The following RASGRP3 variants were observed in gnomAD, a reference collection of about 807,000 sequenced individuals.
The protein encoded by RASGRP3 is ras guanyl-releasing protein 3.
RASGRP3 carries 54 observed loss-of-function variants against 82.7 expected under a neutral mutation model. The observed-to-expected ratio is 0.65, with a 90% CI of 0.52 to 0.82. The LOEUF is 0.82. Among genes scored for constraint, RASGRP3 ranks in the 40% least tolerant of loss-of-function variants. RASGRP3 has a pLI of 0.00. For synonymous variants in RASGRP3, 309 were observed against 300.5 expected, an observed-to-expected ratio of 1.03 and a Z score of -0.29; for missense variants, 861 against 828.9, an observed-to-expected ratio of 1.04 and a Z score of -0.48.
intron 1 of RASGRP3, among the ~76,000 whole-genome samples, chr2:33,501,963 C>T (rs73926683): frequency 8.4e-4 from 127 of 152,090 alleles, no homozygotes; most frequent in African/African-American, 3.0e-3. Context: ...ATGACTTTTG[C>T]CAGAGTAGTT....
intron 1 of RASGRP3, among the ~76,000 whole-genome samples, chr2:33,444,255 A>G (rs1665386435): frequency 6.6e-6 from 1 of 152,224 alleles, no homozygotes; most frequent in Non-Finnish European, 1.5e-5. Flanking sequence ...GCAGTGAACT[A>G]TGATTGCACC....
chr2:33,459,496 A>G (rs188065805), intron 2 of RASGRP3, among the ~76,000 whole-genome samples: 1 of 152,298 alleles, frequency 6.6e-6, no homozygotes, highest in Non-Finnish European at 1.5e-5. Context: ...ATAACTGGAA[A>G]TATAGAGCAT....
rs1343701557 is a variant in RASGRP3, at chr2:33,558,274, C to T, written c.1643C>T (p.Ala548Val). ...DLLVLACRRF[A>V]RAPSLSSGHG... ...CTGGTTCTGGCCTGCAGGAGATTTGCCCGGGCGCCCTCCTTGAGCAGTGGT... is the reference window on the plus strand; with the variant it reads ...CTGGTTCTGGCCTGCAGGAGATTTGTCCGGGCGCCCTCCTTGAGCAGTGGT... Residue 548 changes from alanine to valine, a missense_variant, in exon 16 of 18, where the codon GCC becomes GTC. Transcript: ENST00000403687. 6.2e-7 allele frequency: 1 copy of T among 1,613,306 alleles called. No individual in the cohort carries two copies. Among genetic ancestry groups the T allele is most frequent in the Non-Finnish European group, 8.5e-7 (1 of 1,179,652 alleles).
upstream of RASGRP3, among the ~76,000 whole-genome samples, chr2:33,473,583 T>C (rs1667189471): frequency 6.6e-6 from 1 of 152,110 alleles, no homozygotes; most frequent in African/African-American, 2.4e-5. Context: ...AGGGCACCTC[T>C]TCTTGAGTCG....
chr2:33,504,633 G>A (rs909005735), intron 1 of RASGRP3, among the ~76,000 whole-genome samples: 5 of 152,148 alleles, frequency 3.3e-5, no homozygotes, highest in East Asian at 1.9e-4. Context: ...TGTTTTTAGC[G>A]ACAGTCAGCT....
At chr2:33,514,592 G>A (rs1276646890) in intron 2 of RASGRP3, among the ~76,000 whole-genome samples, 2 of 151,796 alleles carry the variant, frequency 1.3e-5, no homozygotes, top group African/African-American at 4.8e-5. Context: ...GTCAGAAGTG[G>A]GAGAATTGCT....
At position 33,564,115 on chromosome 2, in the gene RASGRP3, G is replaced by A. The variant is rs1676993448; in HGVS notation, c.*1378G>A. 1 of 152,176 alleles carries A rather than the reference G, an allele frequency of 6.6e-6. No homozygotes were observed. Among genetic ancestry groups the A allele is most frequent in the African/African-American group, 2.4e-5 (1 of 41,440 alleles). The allele number at this position is 152,176 out of a possible 1,614,324, so 9.4% of individuals were successfully genotyped here. On this transcript the variant is annotated 3_prime_UTR_variant, in exon 18 of 18. Coordinates refer to ENST00000403687, the MANE Select transcript of RASGRP3 (RefSeq NM_001139488.2). Reference sequence around the variant, plus strand: ...TTTCTCCTTTCTTTTCTCCATTGAGGACAGTTCTGCTCAGCAAAATTGTTG... The same window carrying A: ...TTTCTCCTTTCTTTTCTCCATTGAGAACAGTTCTGCTCAGCAAAATTGTTG...
At chr2:33,507,516 C>G (rs1204415843) in intron 1 of RASGRP3, among the ~76,000 whole-genome samples, 1 of 152,088 alleles carries the variant, frequency 6.6e-6, no homozygotes. Flanking sequence ...TGGATCAAGT[C>G]AAAGGATGGG....
intron 1 of RASGRP3, among the ~76,000 whole-genome samples, chr2:33,503,986 G>T (rs996412345): frequency 2.6e-5 from 4 of 152,032 alleles, no homozygotes; most frequent in Admixed American, 2.0e-4. Context: ...AAAATCCAAA[G>T]GTGGTTCAGA....
upstream of RASGRP3, among the ~76,000 whole-genome samples, chr2:33,472,152 G>A (rs1398085396): frequency 6.6e-6 from 1 of 152,052 alleles, no homozygotes; most frequent in Non-Finnish European, 1.5e-5. Context: ...ATCGAGGATT[G>A]TTTCCACCAT....
At chr2:33,469,087 T>A (rs1666895647) in intron 2 of RASGRP3, among the ~76,000 whole-genome samples, 3 of 152,232 alleles carry the variant, frequency 2.0e-5, no homozygotes, top group Admixed American at 1.3e-4. Flanking sequence ...TTGTTTAATG[T>A]ATACTCCTTT....
chr2:33,539,020 C>A, intron 11 of RASGRP3, 74 bp from the exon 12 acceptor site: 2 of 1,112,518 alleles, frequency 1.8e-6, no homozygotes, highest in Non-Finnish European at 2.6e-6. Flanking sequence ...GCCTGGGCGA[C>A]AGAACCAGAC....
chr2:33,446,957 C>A (rs945643934), intron 1 of RASGRP3, among the ~76,000 whole-genome samples: 2 of 151,880 alleles, frequency 1.3e-5, no homozygotes, highest in Middle Eastern at 3.2e-3. Flanking sequence ...TCCTGGCTAA[C>A]GCGGTGAAAC....
In RASGRP3 at chr2:33,543,863, C is replaced by T. The variant is rs202210960; in HGVS notation, c.1394+236C>T. ...ACACAAGTGCACATTTGTAAATTAT[C>T]CAAGCACTCCATTTGCTATATTGCT... On this transcript the variant is annotated intron_variant, in intron 13 of 17. Transcript: ENST00000403687. 2.6e-5 allele frequency among the ~76,000 whole-genome samples: 4 copies of T among 152,112 alleles called. No individual in the cohort carries two copies. In the East Asian group the frequency reaches 7.7e-4, roughly 29 times the overall value.
intron 13 of RASGRP3, among the ~76,000 whole-genome samples, chr2:33,549,299 T>C (rs531886419): frequency 3.3e-5 from 5 of 152,198 alleles, no homozygotes; most frequent in African/African-American, 9.6e-5. Context: ...GGAAGCTGCT[T>C]TTCATAATAA....
chr2:33,516,734 T>G (rs1229959261), intron 4 of RASGRP3, 90 bp downstream of exon 4: 14 of 871,224 alleles, frequency 1.6e-5, no homozygotes, highest in Non-Finnish European at 2.3e-5. Context: ...TAAATTAAGA[T>G]GAATAAATAG....
At chr2:33,457,517 G>A (rs1666103556) in intron 2 of RASGRP3, among the ~76,000 whole-genome samples, 1 of 151,902 alleles carries the variant, frequency 6.6e-6, no homozygotes, top group African/African-American at 2.4e-5. Context: ...AGCTTTGAAT[G>A]AATGCATTAA....
chr2:33,524,924 A>C (rs929772662), intron 9 of RASGRP3, among the ~76,000 whole-genome samples: 1 of 151,384 alleles, frequency 6.6e-6, no homozygotes, highest in Non-Finnish European at 1.5e-5. Context: ...CTAAAAATAC[A>C]AAAAAAATTA....
chr2:33,557,955 T>A (rs906422263), intron 15 of RASGRP3, among the ~76,000 whole-genome samples: 7 of 152,154 alleles, frequency 4.6e-5, no homozygotes, highest in African/African-American at 1.7e-4. Flanking sequence ...TAGGCACAAT[T>A]GCTCATTAGG....
Sources: gnomAD v4.1 joint callset for allele counts (sites outside exome capture counted in the v4.1 genomes callset) on GRCh38, gnomAD v4.1.1 for gene constraint, MANE v1.5 for transcripts, NCBI Gene and HGNC (gene_info 2026-07-23, HGNC 2026-07-21) for gene names.